CTNNA3: variants seen among roughly 807,000 people sequenced by gnomAD.
The protein encoded by CTNNA3 is catenin alpha-3.
Under a neutral mutation model 95.7 loss-of-function variants are expected in CTNNA3, and 76 were observed. That is an observed-to-expected ratio of 0.79 (90% confidence interval 0.66 to 0.96). CTNNA3 has a LOEUF of 0.96. Among genes scored for constraint, CTNNA3 ranks in the 40% least tolerant of loss-of-function variants. The pLI is 0.00. For missense variants in CTNNA3, 1,191 were observed against 1,089.8 expected (o/e 1.09, Z -1.31); for synonymous variants, 431 against 374.4 (o/e 1.15, Z -1.74).
At chr10:67,158,215 G>A (rs4746665) in intron 7 of CTNNA3, among the ~76,000 whole-genome samples, 3,132 of 151,878 alleles carry the variant, frequency 0.021, 87 homozygotes, top group African/African-American at 0.072. Flanking sequence ...TATGCTTCCC[G>A]CGAAAAATGA....
intron 9 of CTNNA3, among the ~76,000 whole-genome samples, chr10:66,642,255 TACACACACACACACACACACACAAAC>T (rs1390364293): frequency 6.0e-4 from 69 of 114,668 alleles, no homozygotes; most frequent in Non-Finnish European, 8.1e-4. Flanking sequence ...TTCTTTAAAA[TACACACACACACACACACACACAAAC>T]ACACACACAC....
At chr10:66,528,356 T>G (rs947305578) in intron 10 of CTNNA3, among the ~76,000 whole-genome samples, 2 of 152,214 alleles carry the variant, frequency 1.3e-5, no homozygotes, top group Non-Finnish European at 2.9e-5. Context: ...TAGACAACTT[T>G]TACTACATTC....
intron 17 of CTNNA3, among the ~76,000 whole-genome samples, chr10:65,925,626 G>C (rs184458826): frequency 1.3e-5 from 2 of 152,076 alleles, no homozygotes; most frequent in Middle Eastern, 3.4e-3. Flanking sequence ...TAGTAGAGAC[G>C]GGTTTTCACC....
At chr10:65,984,487 T>C (rs1324768043) in intron 16 of CTNNA3, among the ~76,000 whole-genome samples, 4 of 151,406 alleles carry the variant, frequency 2.6e-5, no homozygotes, top group Non-Finnish European at 5.9e-5. Flanking sequence ...AAGAGTCATC[T>C]ATAATTCTTT....
chr10:67,041,072 T>A (rs1854361705), intron 7 of CTNNA3, among the ~76,000 whole-genome samples: 1 of 152,176 alleles, frequency 6.6e-6, no homozygotes. Context: ...ATTGTACTGA[T>A]AATAAGATTA....
chr10:66,303,386 A>G (rs141441280), intron 12 of CTNNA3, among the ~76,000 whole-genome samples: 1 of 152,310 alleles, frequency 6.6e-6, no homozygotes, highest in African/African-American at 2.4e-5. Flanking sequence ...TAAGATGCAC[A>G]GTAAAATAAT....
chr10:67,568,560 C>CATAT (rs201131914), intron 3 of CTNNA3, among the ~76,000 whole-genome samples: 8 of 151,444 alleles, frequency 5.3e-5, no homozygotes, highest in African/African-American at 1.9e-4. Context: ...CAGACACACA[C>CATAT]ACATATATAT....
chr10:66,447,891 C>A (rs1253104223), intron 11 of CTNNA3, among the ~76,000 whole-genome samples: 1 of 152,136 alleles, frequency 6.6e-6, no homozygotes, highest in Non-Finnish European at 1.5e-5. Flanking sequence ...GAACAGGCAA[C>A]CTACAAAATA....
chr10:66,022,516 T>C (rs1042752897), intron 15 of CTNNA3, among the ~76,000 whole-genome samples: 20 of 152,018 alleles, frequency 1.3e-4, no homozygotes, highest in African/African-American at 4.8e-4. Context: ...AAATCTACTT[T>C]ACAGGCAAAG....
chr10:66,750,395 G>C (rs900613205), intron 9 of CTNNA3, among the ~76,000 whole-genome samples: 2 of 152,144 alleles, frequency 1.3e-5, no homozygotes, highest in Non-Finnish European at 2.9e-5. Flanking sequence ...TTTTTGAGCA[G>C]GGTGCTGGGG....
At chr10:66,479,033 A>AT (rs2131895271) in intron 11 of CTNNA3, among the ~76,000 whole-genome samples, 1 of 143,982 alleles carries the variant, frequency 6.9e-6, no homozygotes, top group South Asian at 2.3e-4. Flanking sequence ...TATTATATAG[A>AT]TTTTGTTTCT....
chr10:66,157,781 C>T (rs748668059), intron 13 of CTNNA3, among the ~76,000 whole-genome samples: 2 of 152,054 alleles, frequency 1.3e-5, no homozygotes, highest in East Asian at 1.9e-4. Flanking sequence ...TTTACATTCC[C>T]GCCTGCAGTG....
chr10:67,652,345 C>T (rs1381174910), intron 1 of CTNNA3, among the ~76,000 whole-genome samples: 1 of 152,188 alleles, frequency 6.6e-6, no homozygotes, highest in Non-Finnish European at 1.5e-5. Context: ...GCAGGTCTAC[C>T]ATTTCTCAGG....
chr10:66,107,646 A>G (rs189052433), intron 13 of CTNNA3, among the ~76,000 whole-genome samples: 19 of 152,154 alleles, frequency 1.2e-4, no homozygotes, highest in Admixed American at 9.8e-4. Context: ...TTTTTCCCAC[A>G]AGGAGTTCAA....
intron 16 of CTNNA3, among the ~76,000 whole-genome samples, chr10:65,970,055 A>T (rs768893940): frequency 2.0e-5 from 3 of 152,150 alleles, no homozygotes; most frequent in Non-Finnish European, 4.4e-5. Context: ...GGAAATCCCA[A>T]AAGGTTAAAA....
intron 3 of CTNNA3, among the ~76,000 whole-genome samples, chr10:67,598,168 C>A (rs1401369926): frequency 6.6e-6 from 1 of 152,148 alleles, no homozygotes; most frequent in East Asian, 1.9e-4. Flanking sequence ...CTGGGCATCC[C>A]TGGCCATGTG....
intron 17 of CTNNA3, among the ~76,000 whole-genome samples, chr10:65,946,553 A>T (rs1319630199): frequency 1.3e-5 from 2 of 152,186 alleles, no homozygotes; most frequent in African/African-American, 4.8e-5. Flanking sequence ...TATTATTAAA[A>T]ACATCACCTT....
chr10:67,636,822 A>C (rs1478854291), intron 2 of CTNNA3, among the ~76,000 whole-genome samples: 1 of 152,176 alleles, frequency 6.6e-6, no homozygotes, highest in African/African-American at 2.4e-5. Flanking sequence ...TAGAAGGAAA[A>C]CTAATAAACG....
At chr10:67,614,006 A>G (rs1281769713) in intron 2 of CTNNA3, among the ~76,000 whole-genome samples, 1 of 152,008 alleles carries the variant, frequency 6.6e-6, no homozygotes, top group Non-Finnish European at 1.5e-5. Flanking sequence ...AGCAGTAGCA[A>G]GATTTATTTT....
Sources: allele counts gnomAD v4.1 joint callset (sites outside exome capture counted in the v4.1 genomes callset), GRCh38; gene constraint gnomAD v4.1.1; transcripts MANE v1.5; gene names NCBI Gene and HGNC (gene_info 2026-07-23, HGNC 2026-07-21).